Variants in GBF1 observed in about 807,000 individuals in gnomAD.
GBF1 encodes the protein Golgi-specific brefeldin A-resistance guanine nucleotide exchange factor 1.
GBF1 carries 114 observed loss-of-function variants against 210.5 expected under a neutral mutation model. That is an observed-to-expected ratio of 0.54 (90% CI 0.47 to 0.63). GBF1 has a LOEUF of 0.63. Ranked by LOEUF, GBF1 falls within the 30% of genes least tolerant of loss-of-function variation. GBF1 has a pLI of 0.00. For missense variants in GBF1, 1,851 were observed against 2,357.7 expected, an observed-to-expected ratio of 0.79 and a Z score of 4.45; for synonymous variants, 850 against 889.2, an observed-to-expected ratio of 0.96 and a Z score of 0.78.
At chr10:102,352,971 G>A (rs1554972889) in intron 7 of GBF1, among the ~76,000 whole-genome samples, 1 of 152,082 alleles carries the variant, frequency 6.6e-6, no homozygotes, top group Non-Finnish European at 1.5e-5. Context: ...AAGATGGTTG[G>A]TTACCCTTTG....
chr10:102,321,477 C>A (rs1262514472), intron 3 of GBF1, among the ~76,000 whole-genome samples: 1 of 152,144 alleles, frequency 6.6e-6, no homozygotes, highest in Non-Finnish European at 1.5e-5. Flanking sequence ...ACATATTGTC[C>A]TACCTATTCT....
chr10:102,381,830 A>G (rs1389348865), intron 39 of GBF1, among the ~76,000 whole-genome samples: 8 of 149,226 alleles, frequency 5.4e-5, no homozygotes, highest in East Asian at 2.0e-4. Flanking sequence ...CGCGAAAAAA[A>G]AAAAAAAAAA....
At chr10:102,307,311 A>G (rs2077976652) in intron 3 of GBF1, among the ~76,000 whole-genome samples, 1 of 152,274 alleles carries the variant, frequency 6.6e-6, no homozygotes, top group South Asian at 2.1e-4. Context: ...TGATTCTGCT[A>G]TTTAAAAATT....
At chr10:102,269,524 A>G (rs545389890) in intron 3 of GBF1, among the ~76,000 whole-genome samples, 1 of 152,320 alleles carries the variant, frequency 6.6e-6, no homozygotes, top group Admixed American at 6.5e-5. Context: ...CTTCAGTGTT[A>G]TCTGGGATTG....
At chr10:102,261,564 A>G (rs2073216658) in intron 3 of GBF1, among the ~76,000 whole-genome samples, 1 of 151,932 alleles carries the variant, frequency 6.6e-6, no homozygotes, top group Non-Finnish European at 1.5e-5. Flanking sequence ...ACTTTCCTAA[A>G]CATGGGCTAA....
At chr10:102,346,427 G>A (rs1164583785) in intron 4 of GBF1, among the ~76,000 whole-genome samples, 5 of 152,238 alleles carry the variant, frequency 3.3e-5, no homozygotes, top group African/African-American at 9.6e-5. Flanking sequence ...AGCAGTGATT[G>A]AGAATTTCTA....
At position 102,382,038 on chromosome 10, in the gene GBF1, A is replaced by C; in HGVS notation, c.5303-18A>C. 6.6e-7 allele frequency: 1 copy of C among 1,522,548 alleles called. No homozygotes were observed. The highest frequency in any genetic ancestry group is 8.8e-7 in the Non-Finnish European group (1 of 1,136,976). 94.3% of individuals were successfully genotyped at this position (1,522,548 alleles called of 1,614,324 possible). A position where few individuals can be genotyped will look rare whatever the true frequency, so the allele number is the denominator to read the frequency against. On this transcript the variant is annotated intron_variant, in intron 39 of 39. Coordinates refer to ENST00000369983, the MANE Select transcript of GBF1 (RefSeq NM_001377137.1). ...CCAACAAGGGAATCTGACTGTAACC[A>C]CCTTGCTTTCCCTACAGACTTTGAG...
intron 3 of GBF1, among the ~76,000 whole-genome samples, chr10:102,318,362 AT>A (rs1042697036): frequency 6.7e-6 from 1 of 149,328 alleles, no homozygotes; most frequent in African/African-American, 2.5e-5. Flanking sequence ...AATTTTTGTA[AT>A]TTTTTTTTGT....
At chr10:102,293,289 G>A (rs545436083) in intron 3 of GBF1, among the ~76,000 whole-genome samples, 4 of 152,192 alleles carry the variant, frequency 2.6e-5, no homozygotes, top group South Asian at 2.1e-4. Context: ...CGTATCACTC[G>A]TGTTTGTGGT....
rs766790342 is a variant in GBF1, at chr10:102,367,561, G to A, written c.2642+1G>A. On this transcript the variant is annotated splice_donor_variant, in intron 21 of 39. Coordinates refer to ENST00000369983, the MANE Select transcript of GBF1 (RefSeq NM_001377137.1). LOFTEE classifies it high-confidence loss of function. Reference sequence around the variant, plus strand: ...TGGAGGACATGTACCATGCCATCAAGTGAGTATACATAGAGAATAGTGCAG... The same window carrying A: ...TGGAGGACATGTACCATGCCATCAAATGAGTATACATAGAGAATAGTGCAG... The A allele has an allele frequency of 6.6e-7, 1 of 1,506,178 alleles. No homozygotes were observed. Among genetic ancestry groups the A allele is most frequent in the Admixed American group, 1.7e-5 (1 of 59,908 alleles). 93.3% of individuals were successfully genotyped at this position (1,506,178 alleles called of 1,614,324 possible). A position where few individuals can be genotyped will look rare whatever the true frequency, so the allele number is the denominator to read the frequency against.
At chr10:102,252,569 C>T (rs998059595) in intron 1 of GBF1, among the ~76,000 whole-genome samples, 7 of 152,100 alleles carry the variant, frequency 4.6e-5, no homozygotes, top group East Asian at 2.0e-4. Context: ...AATGATGTGG[C>T]GTGGTGGCCC....
In GBF1 at chr10:102,366,818, T is replaced by A. The variant is rs946095179; in HGVS notation, c.2434-267T>A. On this transcript the variant is annotated intron_variant, in intron 19 of 39. Transcript: ENST00000369983. The surrounding 1 kb of genome is among the most constrained non-coding windows in gnomAD (Gnocchi z 4.0). The stretch of plus-strand genomic sequence containing the variant: ...TCAGGCTGGTCTCGAACTCCTGATC[T>A]CGGGTGATCCGCCCACCTCGGCCTC... 7.9e-5 allele frequency among the ~76,000 whole-genome samples: 12 copies of A among 152,254 alleles called. No homozygotes were observed. The highest frequency in any genetic ancestry group is 2.9e-4 in the African/African-American group (12 of 41,544).
chr10:102,380,011 G>C, intron 36 of GBF1, 57 bp downstream of exon 36: 1 of 1,195,784 alleles, frequency 8.4e-7, no homozygotes. Context: ...TTCCCGAGGA[G>C]GGAAGCCAGG....
chr10:102,242,928 C>CAAAAAAAAAAAAAAAAAAAA (rs58301527), upstream of GBF1, among the ~76,000 whole-genome samples: 101 of 132,396 alleles, frequency 7.6e-4, 1 homozygote, highest in African/African-American at 2.8e-3. Flanking sequence ...GACTCTGTCT[C>CAAAAAAAAAAAAAAAAAAAA]AAAAAAAAAA....
chr10:102,293,323 G>A (rs1312107761), intron 3 of GBF1, among the ~76,000 whole-genome samples: 1 of 152,094 alleles, frequency 6.6e-6, no homozygotes, highest in African/African-American at 2.4e-5. Flanking sequence ...ACAAACCTGT[G>A]CTGCCAGTCA....
At chr10:102,230,931 C>T in the GBF1 span, 2 of 1,609,532 alleles carry the variant, frequency 1.2e-6, no homozygotes, top group Non-Finnish European at 1.7e-6. Flanking sequence ...TGGCGGCGAG[C>T]GGCGGGGCAA....
intron 3 of GBF1, among the ~76,000 whole-genome samples, chr10:102,288,736 C>A (rs2485373): frequency 0.31 from 39,676 of 128,706 alleles, 6,699 homozygotes; most frequent in South Asian, 0.45. Context: ...AAAAAAAAAA[C>A]AAAAAAAAAA....
chr10:102,341,465 C>T (rs2058177506), intron 3 of GBF1, among the ~76,000 whole-genome samples: 1 of 152,196 alleles, frequency 6.6e-6, no homozygotes, highest in Non-Finnish European at 1.5e-5. Flanking sequence ...GAAGTGGAAA[C>T]CTGTGTTCAC....
chr10:102,236,009 TG>T, the GBF1 span, among the ~76,000 whole-genome samples: 1 of 151,980 alleles, frequency 6.6e-6, no homozygotes, highest in East Asian at 1.9e-4. Flanking sequence ...GAGCCACAGC[TG>T]AGAAGGGACC....
Sources: allele counts gnomAD v4.1 joint callset (sites outside exome capture counted in the v4.1 genomes callset), GRCh38; gene constraint gnomAD v4.1.1; non-coding constraint Gnocchi (gnomAD v3.1); transcripts MANE v1.5; gene names NCBI Gene and HGNC (gene_info 2026-07-23, HGNC 2026-07-21).